The following PAMR1 variants were observed in gnomAD, a reference collection of about 807,000 sequenced individuals.
PAMR1 encodes the protein peptidase domain containing associated with muscle regeneration 1, also known as inactive serine protease PAMR1.
Under a neutral mutation model 81.8 loss-of-function variants are expected in PAMR1, and 88 were observed. The ratio of observed to expected loss-of-function variants is 1.08; its 90% CI spans 0.91 to 1.28. PAMR1 has a LOEUF of 1.28. PAMR1 is among the 50% of genes most tolerant of loss of function. The pLI is 0.00. For synonymous variants in PAMR1, 336 were observed against 345.3 expected (o/e 0.97, Z 0.30); for missense variants, 935 against 919.7 (o/e 1.02, Z -0.21).
chr11:35,436,652 T>C (rs1404206804), intron 8 of PAMR1, among the ~76,000 whole-genome samples: 2 of 141,276 alleles, frequency 1.4e-5, no homozygotes, highest in Non-Finnish European at 3.0e-5. Context: ...TCTCTCTCTC[T>C]CTGTCACACA....
chr11:35,495,083 T>C (rs910153269), intron 1 of PAMR1, among the ~76,000 whole-genome samples: 4 of 152,222 alleles, frequency 2.6e-5, no homozygotes, highest in Non-Finnish European at 4.4e-5. Flanking sequence ...ATCAGAAAAT[T>C]TGGAGACCAG....
upstream of PAMR1, among the ~76,000 whole-genome samples, chr11:35,528,340 A>G (rs1284654703): frequency 6.6e-6 from 1 of 152,200 alleles, no homozygotes; most frequent in Non-Finnish European, 1.5e-5. Context: ...GCCCAGAGGA[A>G]TCTACATACC....
intron 3 of PAMR1, among the ~76,000 whole-genome samples, chr11:35,484,246 C>T (rs115303780): frequency 3.9e-4 from 59 of 152,294 alleles, no homozygotes; most frequent in African/African-American, 1.4e-3. Flanking sequence ...AATGAGGAAA[C>T]TGAGATTCAC....
At chr11:35,444,140 A>T (rs1157641183) in intron 6 of PAMR1, among the ~76,000 whole-genome samples, 1 of 152,176 alleles carries the variant, frequency 6.6e-6, no homozygotes. Context: ...CTGGTACAAA[A>T]CCAGTACCTT....
chr11:35,509,421 T>C (rs1851034005), intron 1 of PAMR1, among the ~76,000 whole-genome samples: 1 of 152,218 alleles, frequency 6.6e-6, no homozygotes, highest in African/African-American at 2.4e-5. Flanking sequence ...TTTCAGGGAA[T>C]TTCAATGTGG....
At chr11:35,505,842 A>T (rs2135412948) in intron 1 of PAMR1, among the ~76,000 whole-genome samples, 1 of 152,242 alleles carries the variant, frequency 6.6e-6, no homozygotes, top group East Asian at 1.9e-4. Context: ...AATTGAGCTC[A>T]TGTAAATTTA....
intron 3 of PAMR1, among the ~76,000 whole-genome samples, chr11:35,490,537 C>T (rs900573502): frequency 2.6e-5 from 4 of 152,176 alleles, no homozygotes; most frequent in East Asian, 3.8e-4. Flanking sequence ...CTGCAGTCCC[C>T]GTCACTTGAG....
intron 1 of PAMR1, among the ~76,000 whole-genome samples, chr11:35,505,934 CT>C: frequency 6.6e-6 from 1 of 151,706 alleles, no homozygotes; most frequent in African/African-American, 2.4e-5. Flanking sequence ...TCCTTTGTTC[CT>C]TTTTTACTGT....
chr11:35,442,605 CTTTTT>C (rs1384743085), intron 6 of PAMR1, among the ~76,000 whole-genome samples: 11 of 150,752 alleles, frequency 7.3e-5, no homozygotes, highest in African/African-American at 2.4e-4. Flanking sequence ...TTTTCTTTTT[CTTTTT>C]TTATTTATTT....
At chr11:35,523,339 T>C (rs564344223) in intron 1 of PAMR1, among the ~76,000 whole-genome samples, 1 of 152,248 alleles carries the variant, frequency 6.6e-6, no homozygotes, top group Non-Finnish European at 1.5e-5. Flanking sequence ...GCAACACTTG[T>C]GAAGTTCTCC....
At chr11:35,522,397 T>C (rs191725948) in intron 1 of PAMR1, among the ~76,000 whole-genome samples, 146 of 152,338 alleles carry the variant, frequency 9.6e-4, no homozygotes, top group Non-Finnish European at 1.4e-3. Flanking sequence ...CCCTACTTTC[T>C]GTCTACATGA....
At chr11:35,526,518 C>T (rs1565367313), upstream of PAMR1, among the ~76,000 whole-genome samples, 2 of 152,214 alleles carry the variant, frequency 1.3e-5, no homozygotes, top group Non-Finnish European at 2.9e-5. Flanking sequence ...TGCCAGGTGT[C>T]ATGTACCTTA....
chr11:35,435,239 C>T (rs1216678837), intron 9 of PAMR1, among the ~76,000 whole-genome samples: 1 of 152,206 alleles, frequency 6.6e-6, no homozygotes, highest in Admixed American at 6.5e-5. Context: ...ATATTGTTCT[C>T]CTTTCGCAAA....
chr11:35,443,471 G>A (rs1251210410), intron 6 of PAMR1, among the ~76,000 whole-genome samples: 2 of 152,058 alleles, frequency 1.3e-5, no homozygotes, highest in African/African-American at 4.8e-5. Context: ...TTCGTTTTCT[G>A]TTCCTGCATT....
At chr11:35,495,603 A>T (rs963616388) in intron 1 of PAMR1, among the ~76,000 whole-genome samples, 1 of 152,184 alleles carries the variant, frequency 6.6e-6, no homozygotes, top group Non-Finnish European at 1.5e-5. Context: ...GTGAATCCGG[A>T]CAAGATCCCC....
chr11:35,453,329 C>T (rs1380778449), intron 6 of PAMR1: 1 of 152,222 alleles, frequency 6.6e-6, no homozygotes, highest in African/African-American at 2.4e-5. Context: ...ATTTTCTGGG[C>T]TCCTGGTAAT....
upstream of PAMR1, among the ~76,000 whole-genome samples, chr11:35,528,411 T>G (rs1290591730): frequency 1.3e-5 from 2 of 152,194 alleles, no homozygotes; most frequent in East Asian, 3.8e-4. Context: ...TTCCCATAAT[T>G]TGCTACCCCT....
intron 6 of PAMR1, among the ~76,000 whole-genome samples, chr11:35,457,247 A>G (rs1856554221): frequency 6.6e-6 from 1 of 152,210 alleles, no homozygotes; most frequent in Non-Finnish European, 1.5e-5. Context: ...GTTGAGGGCC[A>G]GAATAGAATA....
At chr11:35,513,549 C>T (rs1385384750) in intron 1 of PAMR1, 2 of 152,206 alleles carry the variant, frequency 1.3e-5, no homozygotes, top group South Asian at 2.1e-4. Flanking sequence ...CGAGTGCTTT[C>T]CGTGTGTTTC....
Sources: gnomAD v4.1 joint callset for allele counts (sites outside exome capture counted in the v4.1 genomes callset) on GRCh38, gnomAD v4.1.1 for gene constraint, MANE v1.5 for transcripts, NCBI Gene and HGNC (gene_info 2026-07-23, HGNC 2026-07-21) for gene names.